Variants in AGPS observed in about 807,000 individuals in gnomAD.
AGPS encodes alkyldihydroxyacetonephosphate synthase, peroxisomal.
A neutral mutation model predicts 90.7 loss-of-function variants in AGPS; 26 were observed. The observed-to-expected ratio is 0.29, with a 90% CI of 0.21 to 0.40. The LOEUF (loss-of-function observed/expected upper bound fraction) is 0.40. AGPS is among the 10% of genes least tolerant of loss of function. The probability of loss-of-function intolerance (pLI) is 1.00; values close to 1 mark genes in which losing one functional copy is unlikely to be tolerated. For missense variants in AGPS, 540 were observed against 816.1 expected (o/e 0.66, Z 4.12); for synonymous variants, 294 against 285.3 (o/e 1.03, Z -0.31).
intron 9 of AGPS, among the ~76,000 whole-genome samples, chr2:177,465,580 G>C (rs147591077): frequency 5.3e-4 from 80 of 152,326 alleles, no homozygotes; most frequent in African/African-American, 1.8e-3. Context: ...TGTGGAGTCT[G>C]GCCACAGCGC....
chr2:177,482,188 T>A lies in AGPS; in HGVS notation c.1233+2T>A. The A allele has an allele frequency of 6.6e-7, 1 of 1,525,118 alleles. No individual in the cohort carries two copies. Among genetic ancestry groups the A allele is most frequent in the Non-Finnish European group, 9.0e-7 (1 of 1,117,310 alleles). The allele number at this position is 1,525,118 out of a possible 1,614,324, so 94.5% of individuals were successfully genotyped here. A position where few individuals can be genotyped will look rare whatever the true frequency, so the allele number is the denominator to read the frequency against. On this transcript the variant is annotated splice_donor_variant, in intron 11 of 19. Transcript: ENST00000264167. LOFTEE classifies it high-confidence loss of function. ...TGTTTAAGAGAAATTGCAAAACAGG[T>A]AAAAGAAAAAATATATATATATACA... is the stretch of plus-strand genomic sequence containing the variant.
Position 177,508,051 on chromosome 2 carries a change from C to T in AGPS, c.1607+20C>T. 6.4e-7 allele frequency: 1 copy of T among 1,568,890 alleles called. No individual in the cohort carries two copies. Among genetic ancestry groups the T allele is most frequent in the Non-Finnish European group, 8.8e-7 (1 of 1,139,300 alleles). On this transcript the variant is annotated intron_variant, in intron 16 of 19. Coordinates refer to ENST00000264167, the MANE Select transcript of AGPS (RefSeq NM_003659.4). ...GGACAGGTAAAATATACTAAAGTGC[C>T]TGATATTATTCAAATATGCGATATG...
rs373957026 is a variant in AGPS, at chr2:177,540,031, G to GTATATATA, written c.*1852_*1859dup. 6.2e-4 allele frequency: 79 copies of GTATATATA among 127,604 alleles called. 1 individual carries two copies. The highest frequency in any genetic ancestry group is 1.8e-3 in the East Asian group (8 of 4,450). 7.9% of individuals were successfully genotyped at this position (127,604 alleles called of 1,614,324 possible). A position where few individuals can be genotyped will look rare whatever the true frequency, so the allele number is the denominator to read the frequency against. On this transcript the variant is annotated 3_prime_UTR_variant, in exon 20 of 20. Coordinates refer to ENST00000264167, the MANE Select transcript of AGPS (RefSeq NM_003659.4). ...TTAAGGTACTAATGTCTCACTGGAAGTATATATATATATATATATATATGT... is the reference window on the plus strand; with the variant it reads ...TTAAGGTACTAATGTCTCACTGGAAGTATATATATATATATATATATATATATATATGT...
At chr2:177,508,111 A>G in intron 16 of AGPS, 80 bp downstream of exon 16, 3 of 1,094,324 alleles carry the variant, frequency 2.7e-6, no homozygotes, top group South Asian at 2.5e-5. Context: ...TTGTGTGAAT[A>G]TGTAAGTTTA....
At chr2:177,448,407 A>C (rs1686838615) in intron 8 of AGPS, among the ~76,000 whole-genome samples, 1 of 152,176 alleles carries the variant, frequency 6.6e-6, no homozygotes, top group African/African-American at 2.4e-5. Context: ...GTAGACTCCA[A>C]AATTTATATT....
intron 14 of AGPS, among the ~76,000 whole-genome samples, chr2:177,500,368 AAACT>A (rs1472181538): frequency 3.3e-5 from 5 of 152,076 alleles, no homozygotes; most frequent in African/African-American, 1.2e-4. Context: ...TAAAGTACAT[AAACT>A]AACAGTTTCT....
intron 1 of AGPS, among the ~76,000 whole-genome samples, chr2:177,396,161 C>G (rs1421416982): frequency 1.3e-5 from 2 of 152,062 alleles, no homozygotes; most frequent in East Asian, 1.9e-4. Flanking sequence ...AGTTTATATT[C>G]CAGGCAAAGG....
Position 177,420,299 on chromosome 2 carries a change from A to G in AGPS, c.291A>G (p.Gly97=), listed in dbSNP as rs757581319. 1 of 1,610,356 alleles carries G rather than the reference A, an allele frequency of 6.2e-7. No individual in the cohort carries two copies. Among genetic ancestry groups the G allele is most frequent in the Non-Finnish European group, 8.5e-7 (1 of 1,177,156 alleles). Residue 97 remains glycine (G), a synonymous_variant, in exon 2 of 20, where the codon GGA becomes GGG. Coordinates refer to ENST00000264167, the MANE Select transcript of AGPS (RefSeq NM_003659.4). The part of the protein sequence containing the change: ...RQEVMKWNGW[G]YNDSKFIFNK... ...AAGTTATGAAATGGAATGGATGGGG[A>G]TATAATGATTCTAAATTCATCTTCA...
chr2:177,528,586 C>G (rs1036779937), intron 19 of AGPS, among the ~76,000 whole-genome samples: 33 of 152,276 alleles, frequency 2.2e-4, no homozygotes, highest in African/African-American at 7.9e-4. Context: ...AAAATGTCAC[C>G]TTCTTAGAGG....
At chr2:177,440,432 A>ACAT (rs924337585) in intron 5 of AGPS, among the ~76,000 whole-genome samples, 7 of 152,154 alleles carry the variant, frequency 4.6e-5, no homozygotes, top group African/African-American at 1.7e-4. Context: ...TCATGAGGAA[A>ACAT]CATCTACAAA....
chr2:177,457,909 C>T (rs4335983), intron 8 of AGPS, among the ~76,000 whole-genome samples: 131,362 of 152,216 alleles, frequency 0.86, 56,885 homozygotes, highest in East Asian at 0.95. Flanking sequence ...CTAATATCCC[C>T]GATGAACATC....
chr2:177,394,760 T>G (rs1407091942), intron 1 of AGPS, among the ~76,000 whole-genome samples: 1 of 152,190 alleles, frequency 6.6e-6, no homozygotes, highest in African/African-American at 2.4e-5. Flanking sequence ...TAATCCTGTT[T>G]TGCAGTGTTG....
chr2:177,433,814 G>GTA (rs1184958060), intron 2 of AGPS, among the ~76,000 whole-genome samples: 3 of 151,982 alleles, frequency 2.0e-5, no homozygotes, highest in African/African-American at 7.3e-5. Flanking sequence ...GAAGATTCCA[G>GTA]TATGTATTCT....
At chr2:177,469,038 A>G (rs1335463212) in intron 10 of AGPS, among the ~76,000 whole-genome samples, 2 of 152,036 alleles carry the variant, frequency 1.3e-5, no homozygotes, top group Non-Finnish European at 2.9e-5. Context: ...TTGGTTACTT[A>G]ATGCTGGGTG....
At chr2:177,403,046 G>GA (rs1045553720) in intron 1 of AGPS, among the ~76,000 whole-genome samples, 2 of 152,134 alleles carry the variant, frequency 1.3e-5, no homozygotes, top group African/African-American at 4.8e-5. Context: ...GACAGAGCAA[G>GA]ACTCTGTCTC....
intron 3 of AGPS, among the ~76,000 whole-genome samples, chr2:177,435,214 A>T (rs1188697188): frequency 6.6e-6 from 1 of 151,790 alleles, no homozygotes; most frequent in African/African-American, 2.4e-5. Flanking sequence ...AATATTCTCC[A>T]CTGTATCCAA....
At chr2:177,430,369 T>A (rs939220167) in intron 2 of AGPS, among the ~76,000 whole-genome samples, 2 of 152,222 alleles carry the variant, frequency 1.3e-5, no homozygotes, top group Non-Finnish European at 2.9e-5. Context: ...CAGATGGATC[T>A]TCCACCTTGC....
chr2:177,528,834 T>G lies in AGPS; in HGVS notation c.1855+5029T>G, dbSNP rs966497253. 9.3e-5 allele frequency among the ~76,000 whole-genome samples: 14 copies of G among 150,500 alleles called. No homozygotes were observed. In the East Asian group the frequency reaches 2.6e-3, roughly 28 times the overall value. ...TTGCAAATTCTCAAATAGCTCTGAA[T>G]CTTGCATATTAATCCTTTTTTTTTT... is the stretch of plus-strand genomic sequence containing the variant. On this transcript the variant is annotated intron_variant, in intron 19 of 19. Transcript: ENST00000264167.
chr2:177,479,363 G>A (rs1269025582), intron 10 of AGPS, among the ~76,000 whole-genome samples: 1 of 152,094 alleles, frequency 6.6e-6, no homozygotes, highest in Non-Finnish European at 1.5e-5. Context: ...AGGTAGCTGG[G>A]ATCAGGATAT....
Sources: gnomAD v4.1 joint callset for allele counts (sites outside exome capture counted in the v4.1 genomes callset) on GRCh38, gnomAD v4.1.1 for gene constraint, MANE v1.5 for transcripts, NCBI Gene and HGNC (gene_info 2026-07-23, HGNC 2026-07-21) for gene names.